The following SBF2 variants were observed in gnomAD, a reference collection of about 807,000 sequenced individuals.
SBF2 encodes the protein SET binding factor 2, also known as myotubularin-related protein 13.
Under a neutral mutation model 225.2 loss-of-function variants are expected in SBF2, and 112 were observed. The ratio of observed to expected loss-of-function variants is 0.50; its 90% CI spans 0.43 to 0.58. The LOEUF (loss-of-function observed/expected upper bound fraction) is 0.58, where lower values mean the gene tolerates loss of function less well. Among genes scored for constraint, SBF2 ranks in the 20% least tolerant of loss-of-function variants. The pLI, the probability that SBF2 is intolerant of heterozygous loss-of-function variation, is 0.00. For synonymous variants in SBF2, 763 were observed against 773.3 expected (o/e 0.99, Z 0.22); for missense variants, 1,996 against 2,206.2 (o/e 0.90, Z 1.91).
intron 2 of SBF2, among the ~76,000 whole-genome samples, chr11:10,060,814 G>A (rs995271543): frequency 6.6e-6 from 1 of 152,102 alleles, no homozygotes; most frequent in Non-Finnish European, 1.5e-5. Flanking sequence ...GGATCACGAG[G>A]TTAGGCGATC....
chr11:10,178,040 A>T (rs1236926678), intron 2 of SBF2, among the ~76,000 whole-genome samples: 1 of 146,938 alleles, frequency 6.8e-6, no homozygotes, highest in Non-Finnish European at 1.5e-5. Context: ...ATAACACCAC[A>T]TATCTACAAC....
intron 13 of SBF2, among the ~76,000 whole-genome samples, chr11:9,970,451 C>T (rs150497659): frequency 1.3e-5 from 2 of 152,188 alleles, no homozygotes; most frequent in South Asian, 2.1e-4. Flanking sequence ...GTGATCCACC[C>T]GCCTCAGCCT....
intron 12 of SBF2, 76 bp from the exon 13 acceptor site, chr11:9,989,671 ATTTGC>A: frequency 1.1e-6 from 1 of 916,388 alleles, no homozygotes; most frequent in African/African-American, 1.7e-5. Context: ...ATTTCATACA[ATTTGC>A]AAGCCAAAAA....
intron 29 of SBF2, 124 bp downstream of exon 29, chr11:9,816,716 T>A: frequency 1.3e-6 from 1 of 771,368 alleles, no homozygotes. Context: ...TTTTTGAGAT[T>A]ATTAACTCCA....
chr11:9,779,118 GATTT>G lies in SBF2; in HGVS notation c.*1296_*1299del, dbSNP rs1851876870. ...TGGACAATTTTAAATTTGAAATTCT[GATTT>G]ATTTTTAATCTACAAAGTATTTTTA... On this transcript the variant is annotated 3_prime_UTR_variant, in exon 40 of 40. Coordinates refer to ENST00000256190, the MANE Select transcript of SBF2 (RefSeq NM_030962.4). The G allele has an allele frequency of 1.3e-5, 2 of 152,474 alleles. No homozygotes were observed. Among genetic ancestry groups the G allele is most frequent in the Admixed American group, 6.5e-5 (1 of 15,276 alleles). The allele number at this position is 152,474 out of a possible 1,614,324, so 9.4% of individuals were successfully genotyped here.
chr11:9,907,672 G>A (rs1862220289), intron 16 of SBF2, among the ~76,000 whole-genome samples: 1 of 152,024 alleles, frequency 6.6e-6, no homozygotes, highest in African/African-American at 2.4e-5. Flanking sequence ...ATAATATCAA[G>A]CTTTATTTTA....
At chr11:10,259,938 C>T (rs1301753959) in intron 1 of SBF2, among the ~76,000 whole-genome samples, 2 of 152,082 alleles carry the variant, frequency 1.3e-5, no homozygotes, top group Non-Finnish European at 2.9e-5. Context: ...GATCTCACTA[C>T]CATTTATTAG....
At chr11:10,139,106 G>A (rs904864630) in intron 2 of SBF2, among the ~76,000 whole-genome samples, 1 of 152,100 alleles carries the variant, frequency 6.6e-6, no homozygotes, top group Non-Finnish European at 1.5e-5. Context: ...AGTAACTCCA[G>A]AAAATTACAT....
In SBF2 at chr11:9,808,289, C is replaced by T. The variant is rs545450719; in HGVS notation, c.4258-104G>A. 1.7e-5 allele frequency: 17 copies of T among 997,146 alleles called. No homozygotes were observed. The South Asian group carries it at 2.3e-4, about 14-fold the overall frequency. 61.8% of individuals were successfully genotyped at this position (997,146 alleles called of 1,614,324 possible). A position where few individuals can be genotyped will look rare whatever the true frequency, so the allele number is the denominator to read the frequency against. On this transcript the variant is annotated intron_variant, in intron 31 of 39. Transcript: ENST00000256190. Reference sequence around the variant, plus strand: ...TGATGATAGCTAATTCACAAATTTACCTGGACAGCAAATTTGTTCACTAAC... The same window carrying T: ...TGATGATAGCTAATTCACAAATTTATCTGGACAGCAAATTTGTTCACTAAC...
intron 13 of SBF2, among the ~76,000 whole-genome samples, chr11:9,973,376 C>A (rs1473565750): frequency 6.6e-6 from 1 of 152,182 alleles, no homozygotes; most frequent in Non-Finnish European, 1.5e-5. Flanking sequence ...AAATTTTCAT[C>A]TTTGATTCCA....
intron 2 of SBF2, among the ~76,000 whole-genome samples, chr11:10,107,307 T>G (rs1952598642): frequency 2.0e-5 from 3 of 152,188 alleles, no homozygotes; most frequent in Admixed American, 1.3e-4. Context: ...CATATACATA[T>G]AAATGGAATA....
At chr11:10,158,531 T>C (rs925676647) in intron 2 of SBF2, among the ~76,000 whole-genome samples, 9 of 152,152 alleles carry the variant, frequency 5.9e-5, no homozygotes, top group African/African-American at 9.7e-5. Context: ...CATAAGAGAT[T>C]ACTATGAACA....
chr11:9,933,359 C>T (rs1004497850), intron 16 of SBF2, among the ~76,000 whole-genome samples: 2 of 152,286 alleles, frequency 1.3e-5, no homozygotes, highest in Admixed American at 1.3e-4. Context: ...AATATACATT[C>T]TTCTCAGCAC....
At position 10,303,490 on chromosome 11, in the gene SBF2, C is replaced by T. The variant is rs1964617219; in HGVS notation, n.386+1002G>A. The T allele has an allele frequency of 6.6e-6, 1 of 152,320 alleles. No homozygotes were observed. Among genetic ancestry groups the T allele is most frequent in the Non-Finnish European group, 1.5e-5 (1 of 68,118 alleles). The allele number at this position is 152,320 out of a possible 1,614,324, so 9.4% of individuals were successfully genotyped here. A position where few individuals can be genotyped will look rare whatever the true frequency, so the allele number is the denominator to read the frequency against. On this transcript the variant is annotated intron_variant and non_coding_transcript_variant, in intron 1 of 5. Coordinates refer to the SBF2 transcript ENST00000685217. This position sits in a 1 kb window ranked among gnomAD's most constrained non-coding sequence, Gnocchi z 5.2. Reference sequence around the variant, plus strand: ...CAGTGCGCGGCCCAGACAGACCACTCTGGGCAAGGTCCGCGCGACCCACTG... The same window carrying T: ...CAGTGCGCGGCCCAGACAGACCACTTTGGGCAAGGTCCGCGCGACCCACTG...
At chr11:10,235,095 A>G (rs1443577924) in intron 1 of SBF2, among the ~76,000 whole-genome samples, 1 of 152,234 alleles carries the variant, frequency 6.6e-6, no homozygotes. Flanking sequence ...GTACTTATAA[A>G]GATTGAAATG....
At chr11:10,078,087 G>C (rs147697623) in intron 2 of SBF2, among the ~76,000 whole-genome samples, 2,149 of 152,296 alleles carry the variant, frequency 0.014, 33 homozygotes, top group South Asian at 0.03. Flanking sequence ...ACCACAATGA[G>C]ATACCATCTC....
intron 2 of SBF2, among the ~76,000 whole-genome samples, chr11:10,083,069 T>A (rs1565210198): frequency 6.6e-6 from 1 of 152,272 alleles, no homozygotes; most frequent in East Asian, 1.9e-4. Context: ...TCAGTACCAT[T>A]TCTATACACC....
chr11:9,808,782 A>G, intron 31 of SBF2, 119 bp downstream of exon 31: 1 of 771,570 alleles, frequency 1.3e-6, no homozygotes, highest in South Asian at 1.6e-5. Flanking sequence ...TGTTTAACAC[A>G]GGACTTTCTC....
At chr11:10,019,364 G>A (rs999033633) in intron 6 of SBF2, among the ~76,000 whole-genome samples, 1 of 152,152 alleles carries the variant, frequency 6.6e-6, no homozygotes, top group South Asian at 2.1e-4. Context: ...CCCAGAGTGG[G>A]CTAGCAAGGA....
Sources: gnomAD v4.1 joint callset for allele counts (sites outside exome capture counted in the v4.1 genomes callset) on GRCh38, gnomAD v4.1.1 for gene constraint, Gnocchi (gnomAD v3.1) non-coding constraint, MANE v1.5 for transcripts, NCBI Gene and HGNC (gene_info 2026-07-23, HGNC 2026-07-21) for gene names.